NTM: variants seen among roughly 807,000 people sequenced by gnomAD.
NTM encodes the protein neurotrimin, also known as IgLON family member 2.
A neutral mutation model predicts 42.1 loss-of-function variants in NTM; 13 were observed. The ratio of observed to expected loss-of-function variants is 0.31; its 90% CI spans 0.20 to 0.49. The LOEUF (loss-of-function observed/expected upper bound fraction) is 0.49, where lower values mean the gene tolerates loss of function less well. Ranked by LOEUF, NTM falls within the 20% of genes least tolerant of loss-of-function variation. The probability of loss-of-function intolerance (pLI) is 0.99; values close to 1 mark genes in which losing one functional copy is unlikely to be tolerated. For synonymous variants in NTM, 187 were observed against 179.2 expected, an observed-to-expected ratio of 1.04 and a Z score of -0.35; for missense variants, 373 against 452.8, an observed-to-expected ratio of 0.82 and a Z score of 1.60.
intron 1 of NTM, among the ~76,000 whole-genome samples, chr11:131,626,422 G>A (rs1322833548): frequency 6.6e-6 from 1 of 152,186 alleles, no homozygotes; most frequent in African/African-American, 2.4e-5. Flanking sequence ...TCCCTAAGAT[G>A]AGTGAGGACC....
intron 2 of NTM, among the ~76,000 whole-genome samples, chr11:132,067,614 A>G (rs1202194637): frequency 2.0e-5 from 3 of 152,322 alleles, no homozygotes; most frequent in Admixed American, 2.0e-4. Context: ...AGAAAATGGA[A>G]GGAAGAAAAG....
At chr11:132,175,406 C>T (rs991291489) in intron 3 of NTM, among the ~76,000 whole-genome samples, 1 of 152,214 alleles carries the variant, frequency 6.6e-6, no homozygotes, top group Admixed American at 6.5e-5. Flanking sequence ...TTTGGTAAAC[C>T]CAAACAAGTT....
At chr11:131,874,013 T>TATAATATAATA (rs2048187781) in intron 1 of NTM, among the ~76,000 whole-genome samples, 3 of 70,696 alleles carry the variant, frequency 4.2e-5, no homozygotes, top group East Asian at 5.0e-4. Context: ...ATATAATATA[T>TATAATATAATA]TTATATAATA....
At chr11:132,205,686 G>T (rs1011756243) in intron 3 of NTM, among the ~76,000 whole-genome samples, 8 of 152,116 alleles carry the variant, frequency 5.3e-5, no homozygotes, top group East Asian at 1.9e-4. Flanking sequence ...AAAAGCCAAT[G>T]ACCTTTTCAA....
intron 4 of NTM, among the ~76,000 whole-genome samples, chr11:132,216,156 G>T (rs759365628): frequency 6.6e-6 from 1 of 152,172 alleles, no homozygotes; most frequent in Non-Finnish European, 1.5e-5. Context: ...ATGCTGTCTG[G>T]TTCTCCTGAG....
chr11:131,677,657 C>T (rs970943849), intron 1 of NTM, among the ~76,000 whole-genome samples: 2 of 152,112 alleles, frequency 1.3e-5, no homozygotes, highest in African/African-American at 4.8e-5. Flanking sequence ...AGCGCTTTGC[C>T]AAGAGAAGCC....
chr11:132,170,948 T>A (rs1433161114), intron 3 of NTM, among the ~76,000 whole-genome samples: 1 of 152,190 alleles, frequency 6.6e-6, no homozygotes, highest in African/African-American at 2.4e-5. Flanking sequence ...TTCTGCTAAC[T>A]AAATAGAGCA....
chr11:131,673,060 G>A (rs1335957640), intron 1 of NTM, among the ~76,000 whole-genome samples: 1 of 152,188 alleles, frequency 6.6e-6, no homozygotes, highest in Non-Finnish European at 1.5e-5. Context: ...GGGGTGGGGA[G>A]TGACCTCGTT....
In NTM at chr11:132,139,455, A is replaced by C. The variant is rs188984006; in HGVS notation, c.168-6827A>C. On this transcript the variant is annotated intron_variant, in intron 2 of 8. Transcript: ENST00000683400. ...TAGGTACAAATCAAAGTGTTGTGCC[A>C]TTCATTTCAGAAAAGTCACGGCCCA... Among the ~76,000 whole-genome samples the C allele has an allele frequency of 2.9e-4, 44 of 152,338 alleles. No homozygotes were observed. In the South Asian group the frequency reaches 3.3e-3, roughly 11 times the overall value.
intron 2 of NTM, among the ~76,000 whole-genome samples, chr11:132,048,250 C>G (rs919446532): frequency 6.6e-5 from 10 of 152,302 alleles, no homozygotes; most frequent in African/African-American, 2.4e-4. Flanking sequence ...CAATACCCCC[C>G]ATGCCGCCAC....
At chr11:131,920,476 C>T (rs1565739151) in intron 2 of NTM, among the ~76,000 whole-genome samples, 1 of 152,324 alleles carries the variant, frequency 6.6e-6, no homozygotes, top group Admixed American at 6.5e-5. Context: ...CTGATGGGAT[C>T]ACAGGAAGAG....
intron 1 of NTM, among the ~76,000 whole-genome samples, chr11:131,641,537 C>A (rs1192383306): frequency 6.6e-6 from 1 of 152,126 alleles, no homozygotes; most frequent in Non-Finnish European, 1.5e-5. Flanking sequence ...GTCTGAAGGT[C>A]ATTCACTGAT....
intron 5 of NTM, among the ~76,000 whole-genome samples, chr11:132,308,389 T>C (rs942170882): frequency 4.6e-5 from 7 of 152,304 alleles, no homozygotes; most frequent in African/African-American, 1.7e-4. Context: ...AGATACAGAA[T>C]CCAAAAAGTT....
chr11:131,701,026 A>T (rs1051602426), intron 1 of NTM, among the ~76,000 whole-genome samples: 6 of 152,224 alleles, frequency 3.9e-5, no homozygotes, highest in African/African-American at 1.4e-4. Context: ...AAACAAGTTA[A>T]AGCATGTAAT....
intron 1 of NTM, among the ~76,000 whole-genome samples, chr11:131,664,753 G>GTTTTTTTTTTTTTTTTTTTTTTTTT (rs199824869): frequency 6.2e-5 from 7 of 112,912 alleles, no homozygotes; most frequent in Admixed American, 1.8e-4. Flanking sequence ...CTCTTCCATT[G>GTTTTTTTTTTTTTTTTTTTTTTTTT]TTTTTTTTTT....
intron 2 of NTM, among the ~76,000 whole-genome samples, chr11:131,995,296 G>T (rs1348262997): frequency 6.6e-6 from 1 of 152,108 alleles, no homozygotes; most frequent in Non-Finnish European, 1.5e-5. Context: ...CAGTGGTCCA[G>T]GTGCTAGGAT....
chr11:131,798,771 T>A (rs2091849842), intron 1 of NTM, among the ~76,000 whole-genome samples: 1 of 152,222 alleles, frequency 6.6e-6, no homozygotes, highest in African/African-American at 2.4e-5. Flanking sequence ...TCATTTAAGA[T>A]GTCTGCAACC....
At chr11:131,380,031 C>T (rs1257068417) in intron 1 of NTM, among the ~76,000 whole-genome samples, 7 of 152,154 alleles carry the variant, frequency 4.6e-5, no homozygotes, top group Admixed American at 2.0e-4. Context: ...TGCCTCTCTC[C>T]TAAACTGAGG....
At chr11:131,547,782 C>A (rs985451242) in intron 1 of NTM, among the ~76,000 whole-genome samples, 1 of 152,170 alleles carries the variant, frequency 6.6e-6, no homozygotes, top group African/African-American at 2.4e-5. Flanking sequence ...CCCTCCTAGT[C>A]CCCGCAACTC....
Sources: allele counts gnomAD v4.1 joint callset (sites outside exome capture counted in the v4.1 genomes callset), GRCh38; gene constraint gnomAD v4.1.1; transcripts MANE v1.5; gene names NCBI Gene and HGNC (gene_info 2026-07-23, HGNC 2026-07-21).